IPO8: variants seen among roughly 807,000 people sequenced by gnomAD.
IPO8 encodes the protein importin-8.
Under a neutral mutation model 141.2 loss-of-function variants are expected in IPO8, and 65 were observed. The observed-to-expected ratio is 0.46, with a 90% CI of 0.38 to 0.57. IPO8 has a LOEUF of 0.57. Among genes scored for constraint, IPO8 ranks in the 20% least tolerant of loss-of-function variants. IPO8 has a pLI of 0.00. For missense variants in IPO8, 980 were observed against 1,246.8 expected, an observed-to-expected ratio of 0.79 and a Z score of 3.22; for synonymous variants, 411 against 420.3, an observed-to-expected ratio of 0.98 and a Z score of 0.27.
intron 10 of IPO8, among the ~76,000 whole-genome samples, chr12:30,667,840 C>T (rs963553839): frequency 6.6e-6 from 1 of 152,152 alleles, no homozygotes; most frequent in Non-Finnish European, 1.5e-5. Context: ...TAAACAAATA[C>T]TCTGTACATC....
At chr12:30,650,737 G>A (rs1246822159) in intron 19 of IPO8, among the ~76,000 whole-genome samples, 1 of 152,014 alleles carries the variant, frequency 6.6e-6, no homozygotes, top group Non-Finnish European at 1.5e-5. Context: ...TTGCCAAAAG[G>A]AAAGAAAACA....
intron 20 of IPO8, among the ~76,000 whole-genome samples, chr12:30,648,776 T>C (rs371227962): frequency 2.6e-5 from 4 of 152,136 alleles, no homozygotes; most frequent in African/African-American, 9.7e-5. Context: ...TTTTTTTCTA[T>C]AGTACCTTAA....
In IPO8 at chr12:30,662,506, CA is replaced by C; in HGVS notation, c.1595-20del. ...TCCTTAGCTAATTCAATAAAACAAA[CA>C]AAAGTAATAAAAATTACCATGCCCA... On this transcript the variant is annotated intron_variant, in intron 14 of 24. Coordinates refer to ENST00000256079, the MANE Select transcript of IPO8 (RefSeq NM_006390.4). 1 of 1,590,544 alleles carries C rather than the reference CA, an allele frequency of 6.3e-7. No individual in the cohort carries two copies. Among genetic ancestry groups the C allele is most frequent in the Non-Finnish European group, 8.6e-7 (1 of 1,162,666 alleles).
chr12:30,651,277 C>T (rs188373216), intron 19 of IPO8, among the ~76,000 whole-genome samples: 190 of 152,192 alleles, frequency 1.2e-3, no homozygotes, highest in African/African-American at 4.2e-3. Flanking sequence ...CAGTTCAGCC[C>T]CTTCACTTTA....
intron 19 of IPO8, 107 bp downstream of exon 19, chr12:30,652,085 A>G: frequency 1.7e-6 from 1 of 599,264 alleles, no homozygotes; most frequent in Non-Finnish European, 2.9e-6. Context: ...GTTGATGAAG[A>G]TAATGCAGAA....
Position 30,652,977 on chromosome 12 carries a change from T to A in IPO8, c.2064A>T (p.Glu688Asp). 1 of 1,609,068 alleles carries A rather than the reference T, an allele frequency of 6.2e-7. No individual in the cohort carries two copies. The highest frequency in any genetic ancestry group is 8.5e-7 in the Non-Finnish European group (1 of 1,178,006). Residue 688 changes from glutamate to aspartate, a missense_variant, in exon 18 of 25, where the codon GAA (glutamate) becomes GAT (aspartate). This residue lies in a region of IPO8 where 924 missense variants were observed against 1,153.9 expected (regional missense o/e 0.80). Transcript: ENST00000256079. ...LYEVFQQDCFEYFTDMMPLLH... is the reference protein window; with the variant it reads ...LYEVFQQDCFDYFTDMMPLLH... Reference sequence around the variant, plus strand: ...TGGTCAAAGCCATACCTGTAAAGTATTCAAAGCAATCCTGCTGAAACACTT... The same window carrying A: ...TGGTCAAAGCCATACCTGTAAAGTAATCAAAGCAATCCTGCTGAAACACTT...
intron 6 of IPO8, 37 bp from the exon 7 acceptor site, chr12:30,674,790 T>A: frequency 7.7e-7 from 1 of 1,298,964 alleles, no homozygotes; most frequent in South Asian, 1.2e-5. Context: ...AAGTTCTGCA[T>A]AATAAAAGGA....
At chr12:30,644,033 C>T (rs1328626709) in intron 20 of IPO8, among the ~76,000 whole-genome samples, 2 of 152,150 alleles carry the variant, frequency 1.3e-5, no homozygotes, top group Non-Finnish European at 2.9e-5. Context: ...CACTATGTCA[C>T]CTAAAAAGTA....
intron 22 of IPO8, among the ~76,000 whole-genome samples, chr12:30,636,767 G>A (rs1471767035): frequency 2.0e-5 from 3 of 151,924 alleles, no homozygotes; most frequent in Non-Finnish European, 4.4e-5. Flanking sequence ...AAAAAAAACC[G>A]CTGAGTATAT....
Position 30,695,489 on chromosome 12 carries a change from C to G in IPO8, c.84+75G>C. On this transcript the variant is annotated intron_variant, in intron 1 of 24. Coordinates refer to ENST00000256079, the MANE Select transcript of IPO8 (RefSeq NM_006390.4). This position sits in a 1 kb window ranked among gnomAD's most constrained non-coding sequence, Gnocchi z 4.2. ...CGGTGGGGGTGAGGACGAGGGGCGC[C>G]GGGGAGAGGGAGCCCGGCCAGCCGG... The G allele has an allele frequency of 7.5e-7, 1 of 1,340,806 alleles. No individual in the cohort carries two copies. The allele number at this position is 1,340,806 out of a possible 1,614,324, so 83.1% of individuals were successfully genotyped here. A position where few individuals can be genotyped will look rare whatever the true frequency, so the allele number is the denominator to read the frequency against.
Position 30,665,240 on chromosome 12 carries a change from G to A in IPO8, c.1408C>T (p.Leu470=). Residue 470 remains leucine (L), a synonymous_variant, in exon 13 of 25, where the codon CTG becomes TTG. Transcript: ENST00000256079. ...NHVFPLLLSN[L]GYLRARSCWV... ...CTTACTCTAGCTCGAAGATATCCCA[G>A]GTTAGACAATAATAATGGAAATACA... 1 of 1,582,670 alleles carries A rather than the reference G, an allele frequency of 6.3e-7. No individual in the cohort carries two copies. Among genetic ancestry groups the A allele is most frequent in the Non-Finnish European group, 8.7e-7 (1 of 1,154,848 alleles).
intron 22 of IPO8, among the ~76,000 whole-genome samples, chr12:30,635,848 C>CAT (rs911027840): frequency 2.6e-4 from 40 of 152,066 alleles, no homozygotes; most frequent in African/African-American, 9.4e-4. Context: ...TTAATCATTC[C>CAT]ATACTTTAGT....
chr12:30,683,968 G>C (rs924681576), intron 3 of IPO8, among the ~76,000 whole-genome samples: 4 of 152,028 alleles, frequency 2.6e-5, no homozygotes, highest in African/African-American at 9.7e-5. Context: ...AAGAAAAGCA[G>C]GTAGTAAAAA....
chr12:30,640,745 A>T lies in IPO8; in HGVS notation c.2269-1010T>A, dbSNP rs537157846. ...TCTTTTTGAGATGTTTTAAAACTAAAGTTTCAAAATTACAGCTAGATGGGA... is the reference window on the plus strand; with the variant it reads ...TCTTTTTGAGATGTTTTAAAACTAATGTTTCAAAATTACAGCTAGATGGGA... On this transcript the variant is annotated intron_variant, in intron 20 of 24. Transcript: ENST00000256079. Among the ~76,000 whole-genome samples the T allele has an allele frequency of 8.5e-5, 13 of 152,336 alleles. No homozygotes were observed. The South Asian group carries it at 2.7e-3, about 32-fold the overall frequency.
At chr12:30,657,707 AG>A (rs2052820273) in intron 16 of IPO8, among the ~76,000 whole-genome samples, 1 of 152,220 alleles carries the variant, frequency 6.6e-6, no homozygotes, top group Non-Finnish European at 1.5e-5. Context: ...ACATCATACA[AG>A]GGAATATTAA....
chr12:30,687,405 C>A (rs17560465), intron 2 of IPO8, among the ~76,000 whole-genome samples: 12,159 of 152,060 alleles, frequency 0.08, 653 homozygotes, highest in Middle Eastern at 0.13. Context: ...ACACTTTTCT[C>A]CTTCAGCACA....
In IPO8 at chr12:30,666,201, A is replaced by G. The variant is rs764759177; in HGVS notation, c.1195T>C (p.Tyr399His). 1 of 1,595,758 alleles carries G rather than the reference A, an allele frequency of 6.3e-7. No homozygotes were observed. Among genetic ancestry groups the G allele is most frequent in the East Asian group, 2.2e-5 (1 of 44,628 alleles). The change falls in exon 11 of 25, where the codon TAT becomes CAT. Residue 399 changes from tyrosine (Y) to histidine (H), a missense_variant. By Grantham distance (83) the Tyr-to-His change is moderately conservative. Transcript: ENST00000256079. ...SPTTAAQTLLYTAAKKRKEVL... is the reference protein window; with the variant it reads ...SPTTAAQTLLHTAAKKRKEVL... ...TCTTTTCTTTTCTTTGCAGCAGTAT[A>G]TAAGAGAGTCTGGGCTGCTGTGGTG...
At chr12:30,632,066 A>G in intron 23 of IPO8, 55 bp from the exon 24 acceptor site, 1 of 1,099,508 alleles carries the variant, frequency 9.1e-7, no homozygotes, top group Admixed American at 1.8e-5. Flanking sequence ...TAATTTACAG[A>G]ACAAGTAGTA....
chr12:30,644,779 A>G (rs2052620780), intron 20 of IPO8, among the ~76,000 whole-genome samples: 1 of 151,704 alleles, frequency 6.6e-6, no homozygotes, highest in East Asian at 2.0e-4. Context: ...CAGCCTCCCA[A>G]GTAGCTGGGA....
Sources: gnomAD v4.1 joint callset for allele counts (sites outside exome capture counted in the v4.1 genomes callset) on GRCh38, gnomAD v4.1.1 for gene constraint, gnomAD v4.1.1 regional missense constraint, Gnocchi (gnomAD v3.1) non-coding constraint, MANE v1.5 for transcripts, NCBI Gene and HGNC (gene_info 2026-07-23, HGNC 2026-07-21) for gene names.